NRP2: variants seen among roughly 807,000 people sequenced by gnomAD.
The protein encoded by NRP2 is neuropilin-2.
NRP2 carries 52 observed loss-of-function variants against 110.4 expected under a neutral mutation model. The observed-to-expected ratio is 0.47, with a 90% CI of 0.38 to 0.59. NRP2 has a LOEUF of 0.59. Among genes scored for constraint, NRP2 ranks in the 20% least tolerant of loss-of-function variants. The pLI is 0.00. For synonymous variants in NRP2, 508 were observed against 468.9 expected (o/e 1.08, Z -1.08); for missense variants, 1,049 against 1,203.0 (o/e 0.87, Z 1.89).
At chr2:205,721,177 T>C (rs1417531102) in intron 3 of NRP2, among the ~76,000 whole-genome samples, 1 of 152,180 alleles carries the variant, frequency 6.6e-6, no homozygotes, top group Non-Finnish European at 1.5e-5. Context: ...GAGCTGCGGA[T>C]AAAGGCATCG....
At chr2:205,765,407 G>A in intron 13 of NRP2, 67 bp from the exon 14 acceptor site, 1 of 1,356,536 alleles carries the variant, frequency 7.4e-7, no homozygotes. Flanking sequence ...ACAGAAACTT[G>A]GAAATCCTTG....
intron 2 of NRP2, among the ~76,000 whole-genome samples, chr2:205,704,217 T>C (rs1438560139): frequency 6.6e-6 from 1 of 152,226 alleles, no homozygotes; most frequent in African/African-American, 2.4e-5. Flanking sequence ...GTCTCTTTCC[T>C]ATGAATAGAG....
At chr2:205,726,552 T>C (rs1364102432) in intron 6 of NRP2, among the ~76,000 whole-genome samples, 1 of 152,026 alleles carries the variant, frequency 6.6e-6, no homozygotes, top group East Asian at 1.9e-4. Flanking sequence ...GAAGAACACA[T>C]AGGAAAATGT....
rs917857403 is a variant in NRP2 at position 205,687,567 on chromosome 2, C to T, written c.73+4204C>T. On this transcript the variant is annotated intron_variant, in intron 1 of 16. Coordinates refer to ENST00000357785, the MANE Select transcript of NRP2 (RefSeq NM_003872.3). Reference sequence around the variant, plus strand: ...CCGGGCAGGCCCCTACTCGTCCAAGCGGTGCCTGGTGGAATTGTGAATGCG... The same window carrying T: ...CCGGGCAGGCCCCTACTCGTCCAAGTGGTGCCTGGTGGAATTGTGAATGCG... Among the ~76,000 whole-genome samples, 3 of 152,200 alleles carry T rather than the reference C, an allele frequency of 2.0e-5. No homozygotes were observed. The East Asian group carries it at 5.8e-4, about 29-fold the overall frequency.
At chr2:205,711,742 A>G (rs2056803054) in intron 2 of NRP2, among the ~76,000 whole-genome samples, 1 of 152,208 alleles carries the variant, frequency 6.6e-6, no homozygotes, top group African/African-American at 2.4e-5. Context: ...TAAGTACTCT[A>G]TCTTCGATAC....
intron 15 of NRP2, among the ~76,000 whole-genome samples, chr2:205,774,948 G>C (rs976571676): frequency 6.6e-6 from 1 of 152,060 alleles, no homozygotes; most frequent in East Asian, 1.9e-4. Flanking sequence ...AGTGTAAGGA[G>C]GCATGAAAAT....
intron 15 of NRP2, among the ~76,000 whole-genome samples, chr2:205,772,130 G>A (rs1051495525): frequency 6.6e-6 from 1 of 152,212 alleles, no homozygotes; most frequent in African/African-American, 2.4e-5. Context: ...AGTGAAACCA[G>A]GAGAAAATCA....
At chr2:205,772,362 G>A (rs1213364709) in intron 15 of NRP2, among the ~76,000 whole-genome samples, 4 of 152,158 alleles carry the variant, frequency 2.6e-5, no homozygotes, top group Non-Finnish European at 2.9e-5. Context: ...TTTCTCCCAT[G>A]CCTGGTTTCT....
In NRP2 at chr2:205,722,584, G is replaced by A; in HGVS notation, c.540G>A (p.Leu180=). 6.2e-7 allele frequency: 1 copy of A among 1,614,102 alleles called. No homozygotes were observed. The highest frequency in any genetic ancestry group is 8.5e-7 in the Non-Finnish European group (1 of 1,180,014). Residue 180 remains leucine (L), a synonymous_variant, in exon 4 of 17, where the codon CTG becomes CTA. Coordinates refer to ENST00000357785, the MANE Select transcript of NRP2 (RefSeq NM_003872.3). Reference sequence around the variant, plus strand: ...ACTTGGACTGCACCTTTACCATCCTGGCCAAACCCAAGATGGAGATCATCC... The same window carrying A: ...ACTTGGACTGCACCTTTACCATCCTAGCCAAACCCAAGATGGAGATCATCC... ...PHNLDCTFTI[L]AKPKMEIILQ...
At chr2:205,698,003 C>T in intron 2 of NRP2, 2 of 469,208 alleles carry the variant, frequency 4.3e-6, no homozygotes, top group Non-Finnish European at 3.9e-6. Flanking sequence ...CATGTGGTGG[C>T]AGGGGCTGGA....
rs781592704 is a variant in NRP2, at chr2:205,716,289, G to C, written c.348G>C (p.Ser116=). 5.0e-6 allele frequency: 8 copies of C among 1,613,986 alleles called. No individual in the cohort carries two copies. Among genetic ancestry groups the C allele is most frequent in the South Asian group, 2.2e-5 (2 of 91,076 alleles). Residue 116 remains serine, a synonymous_variant, in exon 3 of 17, where the codon TCG becomes TCC. Coordinates refer to ENST00000357785, the MANE Select transcript of NRP2 (RefSeq NM_003872.3). The stretch of plus-strand genomic sequence containing the variant: ...TCGCCCCGCCCACCATCATCTCCTC[G>C]GGCTCCATGCTCTACATCAAGTTCA... ...GNIAPPTIIS[S]GSMLYIKFTS... is the part of the protein sequence containing the mutation.
chr2:205,771,011 G>A (rs1386092890), intron 15 of NRP2, among the ~76,000 whole-genome samples: 1 of 152,182 alleles, frequency 6.6e-6, no homozygotes, highest in Non-Finnish European at 1.5e-5. Context: ...TCTATGGGTG[G>A]AAGAAAATGT....
Position 205,697,749 on chromosome 2 carries a change from T to C in NRP2, c.251+28T>C, listed in dbSNP as rs780467088. On this transcript the variant is annotated intron_variant, in intron 2 of 16. Transcript: ENST00000357785. ...AAGCACCGTCCTGTCCCACTGTGTATCCCATCCATGAGATGCACACGCCCT... is the reference window on the plus strand; with the variant it reads ...AAGCACCGTCCTGTCCCACTGTGTACCCCATCCATGAGATGCACACGCCCT... The C allele has an allele frequency of 2.4e-5, 38 of 1,611,444 alleles. 1 individual carries two copies. In the South Asian group the frequency reaches 4.0e-4, roughly 17 times the overall value.
intron 8 of NRP2, among the ~76,000 whole-genome samples, chr2:205,741,446 G>A (rs2057440325): frequency 6.6e-6 from 1 of 152,226 alleles, no homozygotes; most frequent in East Asian, 1.9e-4. Context: ...GACCAAAAGA[G>A]GAAGTGAGGA....
At position 205,795,638 on chromosome 2, in the gene NRP2, C is replaced by T. The variant is rs943428699; in HGVS notation, c.*580C>T. On this transcript the variant is annotated 3_prime_UTR_variant, in exon 17 of 17. Coordinates refer to ENST00000357785, the MANE Select transcript of NRP2 (RefSeq NM_003872.3). ...TGTGGTGTAGGTTCTGCCAGCCAACCCTACAAGCTGCCATTTCCAGTCCTA... is the reference window on the plus strand; with the variant it reads ...TGTGGTGTAGGTTCTGCCAGCCAACTCTACAAGCTGCCATTTCCAGTCCTA... The T allele has an allele frequency of 1.3e-5, 2 of 152,576 alleles. No individual in the cohort carries two copies. Among genetic ancestry groups the T allele is most frequent in the Non-Finnish European group, 2.9e-5 (2 of 68,030 alleles). The allele number at this position is 152,576 out of a possible 1,614,324, so 9.5% of individuals were successfully genotyped here.
intron 15 of NRP2, chr2:205,776,585 G>C: frequency 6.3e-7 from 1 of 1,599,436 alleles, no homozygotes; most frequent in Non-Finnish European, 8.5e-7. Context: ...ATGTTGCCTC[G>C]ATTTTGCACT....
intron 12 of NRP2, among the ~76,000 whole-genome samples, chr2:205,754,757 T>C (rs2057705678): frequency 6.6e-6 from 1 of 152,028 alleles, no homozygotes; most frequent in Non-Finnish European, 1.5e-5. Flanking sequence ...GTGGGTATTC[T>C]AGTGTTAATG....
chr2:205,725,951 C>G lies in NRP2; in HGVS notation c.859C>G (p.Arg287Gly), dbSNP rs771278601. ...CNVPLGMESG[R>G]IANEQISASS... ...TGTTCCTCTGGGCATGGAGTCTGGC[C>G]GGATTGCTAATGAACAGATCAGTGC... Residue 287 changes from arginine to glycine, a missense_variant, in exon 6 of 17, where the codon CGG becomes GGG. Transcript: ENST00000357785. This position sits in a 1 kb window ranked among gnomAD's most constrained non-coding sequence, Gnocchi z 4.1. 6.2e-7 allele frequency: 1 copy of G among 1,614,120 alleles called. No homozygotes were observed. Among genetic ancestry groups the G allele is most frequent in the Non-Finnish European group, 8.5e-7 (1 of 1,180,002 alleles).
rs767250671 is a variant in NRP2 at position 205,710,345 on chromosome 2, C to T, written c.252-5848C>T. ...CAGGTCACTTAACTGCTCTGAGCCT[C>T]GATGTCTGCATCTGCAAATGGATGG... On this transcript the variant is annotated intron_variant, in intron 2 of 16. Transcript: ENST00000357785. 5.3e-5 allele frequency among the ~76,000 whole-genome samples: 8 copies of T among 152,208 alleles called. No individual in the cohort carries two copies. The South Asian group carries it at 1.2e-3, about 24-fold the overall frequency.
Sources: allele counts gnomAD v4.1 joint callset (sites outside exome capture counted in the v4.1 genomes callset), GRCh38; gene constraint gnomAD v4.1.1; non-coding constraint Gnocchi (gnomAD v3.1); transcripts MANE v1.5; gene names NCBI Gene and HGNC (gene_info 2026-07-23, HGNC 2026-07-21).